Variants in DDC observed in about 807,000 individuals in gnomAD.
DDC encodes aromatic-L-amino-acid decarboxylase.
In DDC, 43 loss-of-function variants were observed where a neutral mutation model predicts 60.0. That is an observed-to-expected ratio of 0.72 (90% CI 0.56 to 0.92). The LOEUF is 0.92. Ranked by LOEUF, DDC falls within the 40% of genes least tolerant of loss-of-function variation. DDC has a pLI of 0.00. For missense variants in DDC, 573 were observed against 620.2 expected, an observed-to-expected ratio of 0.92 and a Z score of 0.81; for synonymous variants, 232 against 234.6, an observed-to-expected ratio of 0.99 and a Z score of 0.10.
chr7:50,514,521 A>T (rs116378666), intron 6 of DDC, among the ~76,000 whole-genome samples: 1,592 of 152,356 alleles, frequency 0.01, 25 homozygotes, highest in African/African-American at 0.037. Context: ...AAGGTTAGTT[A>T]TTAAGCTAAT....
intron 1 of DDC, among the ~76,000 whole-genome samples, chr7:50,550,102 T>A (rs2060879836): frequency 6.6e-6 from 1 of 152,232 alleles, no homozygotes; most frequent in Admixed American, 6.5e-5. Context: ...AGAGGCATCC[T>A]TCATGAAAGG....
At chr7:50,467,176 T>C in intron 13 of DDC, 38 bp downstream of exon 13, 1 of 1,537,970 alleles carries the variant, frequency 6.5e-7, no homozygotes, top group Non-Finnish European at 9.0e-7. Context: ...CTCTGTCACA[T>C]TCACAGAAAA....
At chr7:50,486,017 A>G (rs1353703007) in intron 9 of DDC, among the ~76,000 whole-genome samples, 1 of 152,198 alleles carries the variant, frequency 6.6e-6, no homozygotes, top group Non-Finnish European at 1.5e-5. Context: ...TGTCTAGAGG[A>G]AGGGATGCTG....
chr7:50,529,138 G>T, intron 5 of DDC, 70 bp downstream of exon 5: 1 of 1,597,682 alleles, frequency 6.3e-7, no homozygotes, highest in Non-Finnish European at 8.6e-7. Flanking sequence ...GTTTGGTTTG[G>T]TTTGAATTTG....
chr7:50,551,951 A>T (rs1443371455), intron 1 of DDC, among the ~76,000 whole-genome samples: 1 of 152,134 alleles, frequency 6.6e-6, no homozygotes, highest in Non-Finnish European at 1.5e-5. Flanking sequence ...TAGCTGGGAA[A>T]GATTCAGAAA....
intron 7 of DDC, among the ~76,000 whole-genome samples, chr7:50,502,571 C>T (rs866729977): frequency 7.2e-5 from 11 of 152,364 alleles, no homozygotes; most frequent in Middle Eastern, 3.4e-3. Flanking sequence ...GGCTGCAGTC[C>T]TGAGTCAGCC....
intron 9 of DDC, among the ~76,000 whole-genome samples, chr7:50,492,443 C>T (rs376766530): frequency 6.6e-6 from 1 of 152,154 alleles, no homozygotes; most frequent in African/African-American, 2.4e-5. Context: ...CTGTCGAGAA[C>T]GCACCGGCTC....
chr7:50,557,289 G>T (rs1379777536), intron 1 of DDC, among the ~76,000 whole-genome samples: 2 of 152,196 alleles, frequency 1.3e-5, no homozygotes, highest in African/African-American at 4.8e-5. Flanking sequence ...GAGCCATAGA[G>T]AAGTTTGTCT....
chr7:50,497,058 C>CT (rs796388173), intron 8 of DDC, among the ~76,000 whole-genome samples: 86 of 152,308 alleles, frequency 5.6e-4, no homozygotes, highest in African/African-American at 2.0e-3. Context: ...GAGTTCCCTC[C>CT]TATGGGGCTG....
At chr7:50,551,193 A>G (rs2044980302) in intron 1 of DDC, among the ~76,000 whole-genome samples, 1 of 148,928 alleles carries the variant, frequency 6.7e-6, no homozygotes, top group Non-Finnish European at 1.5e-5. Flanking sequence ...TTGAATATCC[A>G]TTTTAAGTTT....
chr7:50,493,030 T>G (rs1400051700), intron 9 of DDC: 1 of 1,563,844 alleles, frequency 6.4e-7, no homozygotes, highest in Admixed American at 1.7e-5. Flanking sequence ...CCGCATTCAT[T>G]ACACTCCTTC....
At chr7:50,469,255 TAAAAAAAAAAA>T (rs755613984) in intron 12 of DDC, among the ~76,000 whole-genome samples, 18 of 56,574 alleles carry the variant, frequency 3.2e-4, no homozygotes, top group African/African-American at 8.2e-4. Context: ...ATTGTTATTT[TAAAAAAAAAAA>T]AAAAAAAAAA....
Position 50,516,966 on chromosome 7 carries a change from G to A in DDC, c.714+11171C>T, listed in dbSNP as rs181265850. 5.3e-5 allele frequency among the ~76,000 whole-genome samples: 8 copies of A among 152,202 alleles called. No homozygotes were observed. The East Asian group carries it at 5.8e-4, about 11-fold the overall frequency. ...ATTACCAACAAAAAAAGTCCAAGAC[G>A]AGACAGATTCACAGCAGAATTCTAC... is the stretch of plus-strand genomic sequence containing the variant. On this transcript the variant is annotated intron_variant, in intron 6 of 14. Coordinates refer to ENST00000444124, the MANE Select transcript of DDC (RefSeq NM_001082971.2).
At chr7:50,558,195 A>G (rs1335362307) in intron 1 of DDC, among the ~76,000 whole-genome samples, 1 of 151,798 alleles carries the variant, frequency 6.6e-6, no homozygotes, top group African/African-American at 2.4e-5. Flanking sequence ...TTGGCTTGAG[A>G]CAATTCGAAT....
intron 1 of DDC, among the ~76,000 whole-genome samples, chr7:50,550,990 T>G (rs2044974501): frequency 1.3e-5 from 2 of 152,222 alleles, no homozygotes. Flanking sequence ...TCCTAAAATG[T>G]GCAACCTCTT....
At chr7:50,560,199 A>C (rs1190017097) in intron 1 of DDC, among the ~76,000 whole-genome samples, 2 of 152,168 alleles carry the variant, frequency 1.3e-5, no homozygotes, top group African/African-American at 4.8e-5. Context: ...GCTTTTGTGC[A>C]GTGATTGTCA....
intron 3 of DDC, 30 bp from the exon 4 acceptor site, chr7:50,538,009 G>A (rs1451294088): frequency 6.2e-6 from 10 of 1,613,970 alleles, no homozygotes; most frequent in East Asian, 2.2e-5. Flanking sequence ...GGGATTAACC[G>A]AGGGCCAGGC....
rs535604122 is a variant in DDC, at chr7:50,501,650, G to A, written c.781+2343C>T. On this transcript the variant is annotated intron_variant, in intron 7 of 14. Transcript: ENST00000444124. ...CAGCTCAGGATCTCAGAACAGTCCCGCTTGGAGTTGGAGAATGCTAAATAT... is the reference window on the plus strand; with the variant it reads ...CAGCTCAGGATCTCAGAACAGTCCCACTTGGAGTTGGAGAATGCTAAATAT... Among the ~76,000 whole-genome samples the A allele has an allele frequency of 5.9e-5, 9 of 152,292 alleles. No individual in the cohort carries two copies. The South Asian group carries it at 1.7e-3, about 28-fold the overall frequency.
chr7:50,496,439 C>T (rs933223386), intron 8 of DDC, among the ~76,000 whole-genome samples: 12 of 152,136 alleles, frequency 7.9e-5, no homozygotes, highest in Admixed American at 4.6e-4. Flanking sequence ...TACAGGCTCC[C>T]GTAGCTGGAA....
Sources: allele counts gnomAD v4.1 joint callset (sites outside exome capture counted in the v4.1 genomes callset), GRCh38; gene constraint gnomAD v4.1.1; transcripts MANE v1.5; gene names NCBI Gene and HGNC (gene_info 2026-07-23, HGNC 2026-07-21).